MC3R: variants seen among roughly 807,000 people sequenced by gnomAD.
The protein encoded by MC3R is melanocortin 3 receptor, also known as melanocortin receptor 3.
A neutral mutation model predicts 14.0 loss-of-function variants in MC3R; 12 were observed. That is an observed-to-expected ratio of 0.86 (90% CI 0.55 to 1.39). The LOEUF is 1.39. MC3R is among the 40% of genes most tolerant of loss of function. The probability of loss-of-function intolerance (pLI) is 0.00; values close to 1 mark genes in which losing one functional copy is unlikely to be tolerated. For missense variants in MC3R, 432 were observed against 433.6 expected, an observed-to-expected ratio of 1.00 and a Z score of 0.03; for synonymous variants, 174 against 180.5, an observed-to-expected ratio of 0.96 and a Z score of 0.29.
Position 56,249,599 on chromosome 20 carries a change from CT to C in MC3R, c.758del (p.Phe253SerfsTer68). The C allele has an allele frequency of 6.2e-7, 1 of 1,612,958 alleles. No individual in the cohort carries two copies. The highest frequency in any genetic ancestry group is 8.5e-7 in the Non-Finnish European group (1 of 1,178,950). On this transcript the variant is annotated frameshift_variant, in exon 1 of 1. Transcript: ENST00000243911. LOFTEE classifies it high-confidence loss of function. ...TCACCATTCTCCTGGGCGTGTTCAT[CT>C]TCTGCTGGGCCCCCTTCTTCCTCCA... ...TITILLGVFI[F>X]CWAPFFLHLV...
In MC3R at chr20:56,249,274, T is replaced by C. The variant is rs755351383; in HGVS notation, c.431T>C (p.Val144Ala). The C allele has an allele frequency of 6.2e-7, 1 of 1,614,172 alleles. No individual in the cohort carries two copies. Among genetic ancestry groups the C allele is most frequent in the Non-Finnish European group, 8.5e-7 (1 of 1,180,016 alleles). The part of the protein sequence containing the change: ...NLLAIAVDRY[V>A]TIFYALRYHS... Reference sequence around the variant, plus strand: ...CTGGCCATCGCCGTCGACAGGTACGTCACCATCTTTTACGCGCTCCGCTAC... The same window carrying C: ...CTGGCCATCGCCGTCGACAGGTACGCCACCATCTTTTACGCGCTCCGCTAC... The change falls in exon 1 of 1, where the codon GTC (valine) becomes GCC (alanine). Residue 144 changes from valine (V) to alanine (A), a missense_variant. By Grantham distance (64) the Val-to-Ala change is moderately conservative (BLOSUM62 0). Coordinates refer to ENST00000243911, the MANE Select transcript of MC3R (RefSeq NM_019888.3).
chr20:56,249,406 T>C lies in MC3R; in HGVS notation c.563T>C (p.Val188Ala), dbSNP rs1405338611. 3 of 1,613,866 alleles carry C rather than the reference T, an allele frequency of 1.9e-6. No homozygotes were observed. Among genetic ancestry groups the C allele is most frequent in the Non-Finnish European group, 2.5e-6 (3 of 1,180,004 alleles). Residue 188 changes from valine to alanine, a missense_variant, in exon 1 of 1, where the codon GTC (valine) becomes GCC (alanine). Coordinates refer to ENST00000243911, the MANE Select transcript of MC3R (RefSeq NM_019888.3). ...VFIVYSESKM[V>A]IVCLITMFFA... Reference sequence around the variant, plus strand: ...ATCGTCTACTCGGAGAGCAAAATGGTCATTGTGTGCCTCATCACCATGTTC... The same window carrying C: ...ATCGTCTACTCGGAGAGCAAAATGGCCATTGTGTGCCTCATCACCATGTTC...
rs1229320446 is a variant in MC3R, at chr20:56,248,984, T to C, written c.141T>C (p.Ser47=). Residue 47 remains serine (S), a synonymous_variant, in exon 1 of 1, where the codon TCT becomes TCC. Transcript: ENST00000243911. ...TCATCAAGCCCGAGGTTTTCCTGTCTCTGGGCATCGTCAGTCTGCTGGAAA... is the reference window on the plus strand; with the variant it reads ...TCATCAAGCCCGAGGTTTTCCTGTCCCTGGGCATCGTCAGTCTGCTGGAAA... ...QVFIKPEVFL[S]LGIVSLLENI... The C allele has an allele frequency of 6.2e-7, 1 of 1,614,068 alleles. No homozygotes were observed. The highest frequency in any genetic ancestry group is 8.5e-7 in the Non-Finnish European group (1 of 1,180,034).
Position 56,248,867 on chromosome 20 carries a change from C to T in MC3R, c.24C>T (p.Pro8=), listed in dbSNP as rs770349289. 18 of 1,614,182 alleles carry T rather than the reference C, an allele frequency of 1.1e-5. No individual in the cohort carries two copies. The highest frequency in any genetic ancestry group is 1.4e-5 in the Non-Finnish European group (17 of 1,180,028). The part of the protein sequence containing the change: MNASCCL[P]SVQPTLPNGS... ...CAATGAATGCTTCGTGCTGCCTGCC[C>T]TCTGTTCAGCCAACACTGCCTAATG... The change falls in exon 1 of 1, where the codon CCC becomes CCT. Residue 8 remains proline, a synonymous_variant. Transcript: ENST00000243911.
Position 56,249,123 on chromosome 20 carries a change from G to A in MC3R, c.280G>A (p.Glu94Lys), listed in dbSNP as rs1371748742. The part of the protein sequence containing the change: ...DMLVSVSNAL[E>K]TIMIAIVHSD... The stretch of plus-strand genomic sequence containing the variant: ...GCTGGTAAGTGTGTCCAATGCCCTG[G>A]AGACCATCATGATCGCCATCGTCCA... Residue 94 changes from glutamate to lysine, a missense_variant, in exon 1 of 1, where the codon GAG (glutamate) becomes AAG (lysine). Transcript: ENST00000243911. 2 of 1,614,050 alleles carry A rather than the reference G, an allele frequency of 1.2e-6. No homozygotes were observed. The highest frequency in any genetic ancestry group is 2.7e-5 in the African/African-American group (2 of 74,910).
chr20:56,249,383 CG>C lies in MC3R; in HGVS notation c.541del (p.Val181SerfsTer19). 1 of 1,614,116 alleles carries C rather than the reference CG, an allele frequency of 6.2e-7. No homozygotes were observed. Among genetic ancestry groups the C allele is most frequent in the East Asian group, 2.2e-5 (1 of 44,866 alleles). The stretch of plus-strand genomic sequence containing the variant: ...GCGGCGTCTGTGGCGTGGTGTTCAT[CG>C]TCTACTCGGAGAGCAAAATGGTCAT... Reference protein sequence around the residue: ...CCGVCGVVFIVYSESKMVIVC... With the variant: ...CCGVCGVVFIXYSESKMVIVC... On this transcript the variant is annotated frameshift_variant, in exon 1 of 1. Transcript: ENST00000243911. LOFTEE classifies it high-confidence loss of function.
In MC3R at chr20:56,249,287, C is replaced by T. The variant is rs147084433; in HGVS notation, c.444C>T (p.Tyr148=). Residue 148 remains tyrosine, a synonymous_variant, in exon 1 of 1, where the codon TAC becomes TAT. Coordinates refer to ENST00000243911, the MANE Select transcript of MC3R (RefSeq NM_019888.3). Reference sequence around the variant, plus strand: ...TCGACAGGTACGTCACCATCTTTTACGCGCTCCGCTACCACAGCATCATGA... The same window carrying T: ...TCGACAGGTACGTCACCATCTTTTATGCGCTCCGCTACCACAGCATCATGA... The part of the protein sequence containing the change: ...IAVDRYVTIF[Y]ALRYHSIMTV... 5.7e-5 allele frequency: 92 copies of T among 1,614,048 alleles called. No homozygotes were observed. In the African/African-American group the frequency reaches 1.1e-3, roughly 19 times the overall value.
At position 56,249,260 on chromosome 20, in the gene MC3R, C is replaced by T; in HGVS notation, c.417C>T (p.Ala139=). Residue 139 remains alanine (A), a synonymous_variant, in exon 1 of 1, where the codon GCC becomes GCT. Transcript: ENST00000243911. ...VASICNLLAI[A]VDRYVTIFYA... ...CCATCTGCAACCTCCTGGCCATCGC[C>T]GTCGACAGGTACGTCACCATCTTTT... 1 of 1,614,162 alleles carries T rather than the reference C, an allele frequency of 6.2e-7. No individual in the cohort carries two copies. Among genetic ancestry groups the T allele is most frequent in the South Asian group, 1.1e-5 (1 of 91,080 alleles).
chr20:56,249,386 C>G lies in MC3R; in HGVS notation c.543C>G (p.Val181=). 6.2e-7 allele frequency: 1 copy of G among 1,614,196 alleles called. No individual in the cohort carries two copies. Among genetic ancestry groups the G allele is most frequent in the Non-Finnish European group, 8.5e-7 (1 of 1,180,056 alleles). The change falls in exon 1 of 1, where the codon GTC becomes GTG. Residue 181 remains valine (V), a synonymous_variant. Transcript: ENST00000243911. ...GCGTCTGTGGCGTGGTGTTCATCGT[C>G]TACTCGGAGAGCAAAATGGTCATTG... ...CCGVCGVVFI[V]YSESKMVIVC...
In MC3R at chr20:56,249,561, G is replaced by T. The variant is rs776955610; in HGVS notation, c.718G>T (p.Gly240Trp). 3.7e-6 allele frequency: 6 copies of T among 1,613,518 alleles called. No individual in the cohort carries two copies. Among genetic ancestry groups the T allele is most frequent in the Middle Eastern group, 1.7e-4 (1 of 6,060 alleles). ...VAPQQHSCMKGAVTITILLGV... is the reference protein window; with the variant it reads ...VAPQQHSCMKWAVTITILLGV... ...CCCACAGCAACACTCATGCATGAAG[G>T]GGGCAGTCACCATCACCATTCTCCT... Residue 240 changes from glycine (G) to tryptophan (W), a missense_variant, in exon 1 of 1, where the codon GGG becomes TGG. Transcript: ENST00000243911.
rs766548340 is a variant in MC3R, at chr20:56,248,817, C to T, written c.-27C>T. 12 of 1,614,076 alleles carry T rather than the reference C, an allele frequency of 7.4e-6. No individual in the cohort carries two copies. The South Asian group carries it at 1.3e-4, about 18-fold the overall frequency. Reference sequence around the variant, plus strand: ...CTTCCTACGGACCCTGCTGGAGCCCCAGCTCGGATCAGCCCTTCTGACAGC... The same window carrying T: ...CTTCCTACGGACCCTGCTGGAGCCCTAGCTCGGATCAGCCCTTCTGACAGC... On this transcript the variant is annotated 5_prime_UTR_variant, in exon 1 of 1. It introduces an in-frame stop codon into an upstream open reading frame of the 5' UTR. Transcript: ENST00000243911.
In MC3R at chr20:56,249,138, G is replaced by T. The variant is rs757683383; in HGVS notation, c.295G>T (p.Ala99Ser). The T allele has an allele frequency of 1.9e-6, 3 of 1,613,884 alleles. No homozygotes were observed. The highest frequency in any genetic ancestry group is 2.7e-5 in the African/African-American group (2 of 74,860). ...VSNALETIMI[A>S]IVHSDYLTFE... Reference sequence around the variant, plus strand: ...CAATGCCCTGGAGACCATCATGATCGCCATCGTCCACAGCGACTACCTGAC... The same window carrying T: ...CAATGCCCTGGAGACCATCATGATCTCCATCGTCCACAGCGACTACCTGAC... Residue 99 changes from alanine to serine, a missense_variant, in exon 1 of 1, where the codon GCC becomes TCC. Coordinates refer to ENST00000243911, the MANE Select transcript of MC3R (RefSeq NM_019888.3).
At position 56,249,257 on chromosome 20, in the gene MC3R, C is replaced by G. The variant is rs1421808595; in HGVS notation, c.414C>G (p.Ile138Met). The change falls in exon 1 of 1, where the codon ATC becomes ATG. Residue 138 changes from isoleucine (I) to methionine (M), a missense_variant. Coordinates refer to ENST00000243911, the MANE Select transcript of MC3R (RefSeq NM_019888.3). The stretch of plus-strand genomic sequence containing the variant: ...CCTCCATCTGCAACCTCCTGGCCAT[C>G]GCCGTCGACAGGTACGTCACCATCT... Reference protein sequence around the residue: ...LVASICNLLAIAVDRYVTIFY... With the variant: ...LVASICNLLAMAVDRYVTIFY... 2 of 1,614,162 alleles carry G rather than the reference C, an allele frequency of 1.2e-6. No individual in the cohort carries two copies. The highest frequency in any genetic ancestry group is 3.3e-5 in the Admixed American group (2 of 60,028).
Position 56,249,797 on chromosome 20 carries a change from C to G in MC3R, c.954C>G (p.Asn318Lys). Residue 318 changes from asparagine to lysine, a missense_variant, in exon 1 of 1, where the codon AAC becomes AAG. Transcript: ENST00000243911. Reference protein sequence around the residue: ...NTFREILCGCNGMNLG With the variant: ...NTFREILCGCKGMNLG ...TTAGGGAGATTCTCTGTGGCTGCAA[C>G]GGCATGAACTTGGGATAGGATGCAG... 1.2e-6 allele frequency: 2 copies of G among 1,614,046 alleles called. No homozygotes were observed. Among genetic ancestry groups the G allele is most frequent in the Non-Finnish European group, 1.7e-6 (2 of 1,180,036 alleles).
chr20:56,249,201 T>G lies in MC3R; in HGVS notation c.358T>G (p.Phe120Val). ...GTTTATCCAGCACATGGACAACATC[T>G]TCGACTCCATGATCTGCATCTCCCT... The part of the protein sequence containing the change: ...DQFIQHMDNI[F>V]DSMICISLVA... Residue 120 changes from phenylalanine (F) to valine (V), a missense_variant, in exon 1 of 1, where the codon TTC (phenylalanine) becomes GTC (valine). By Grantham distance (50) the Phe-to-Val change is conservative. Transcript: ENST00000243911. 2 of 1,614,160 alleles carry G rather than the reference T, an allele frequency of 1.2e-6. No homozygotes were observed. The highest frequency in any genetic ancestry group is 2.2e-5 in the South Asian group (2 of 91,080).
Position 56,248,895 on chromosome 20 carries a change from T to C in MC3R, c.52T>C (p.Ser18Pro), listed in dbSNP as rs1474705022. 6.2e-7 allele frequency: 1 copy of C among 1,614,172 alleles called. No homozygotes were observed. The highest frequency in any genetic ancestry group is 1.7e-5 in the Admixed American group (1 of 60,024). The change falls in exon 1 of 1, where the codon TCG becomes CCG. Residue 18 changes from serine to proline, a missense_variant. Physicochemically the swap from Ser to Pro is moderately conservative, Grantham distance 74. Coordinates refer to ENST00000243911, the MANE Select transcript of MC3R (RefSeq NM_019888.3). ...TGTTCAGCCAACACTGCCTAATGGC[T>C]CGGAGCACCTCCAAGCCCCTTTCTT... The part of the protein sequence containing the change: ...PSVQPTLPNG[S>P]EHLQAPFFSN...
rs1387446244 is a variant in MC3R at position 56,249,079 on chromosome 20, G to A, written c.236G>A (p.Ser79Asn). ...TCCCCGATGTACTTCTTTCTCTGCA[G>A]CCTGGCGGTGGCCGACATGCTGGTA... is the stretch of plus-strand genomic sequence containing the variant. Reference protein sequence around the residue: ...LHSPMYFFLCSLAVADMLVSV... With the variant: ...LHSPMYFFLCNLAVADMLVSV... Residue 79 changes from serine (S) to asparagine (N), a missense_variant, in exon 1 of 1, where the codon AGC becomes AAC. Ser to Asn is a conservative substitution (Grantham distance 46). Transcript: ENST00000243911. 6.2e-7 allele frequency: 1 copy of A among 1,614,206 alleles called. No individual in the cohort carries two copies. Among genetic ancestry groups the A allele is most frequent in the Non-Finnish European group, 8.5e-7 (1 of 1,180,050 alleles).
chr20:56,248,823 G>C lies in MC3R; in HGVS notation c.-21G>C, dbSNP rs141315125. 3 of 1,614,156 alleles carry C rather than the reference G, an allele frequency of 1.9e-6. No individual in the cohort carries two copies. The highest frequency in any genetic ancestry group is 1.1e-5 in the South Asian group (1 of 91,072). On this transcript the variant is annotated 5_prime_UTR_variant, in exon 1 of 1. Coordinates refer to ENST00000243911, the MANE Select transcript of MC3R (RefSeq NM_019888.3). The stretch of plus-strand genomic sequence containing the variant: ...ACGGACCCTGCTGGAGCCCCAGCTC[G>C]GATCAGCCCTTCTGACAGCAATGAA...
Position 56,248,773 on chromosome 20 carries a change from T to C in MC3R, c.-71T>C. ...ACGTATCTGGAGGGAGATTTTGTCTTTCCTGTGAGCAGCAGCAGCTTCCTA... is the reference window on the plus strand; with the variant it reads ...ACGTATCTGGAGGGAGATTTTGTCTCTCCTGTGAGCAGCAGCAGCTTCCTA... On this transcript the variant is annotated 5_prime_UTR_variant, in exon 1 of 1. Transcript: ENST00000243911. 1 of 1,596,850 alleles carries C rather than the reference T, an allele frequency of 6.3e-7. No homozygotes were observed. The highest frequency in any genetic ancestry group is 8.6e-7 in the Non-Finnish European group (1 of 1,164,272).
Sources: gnomAD v4.1 joint callset for allele counts on GRCh38, gnomAD v4.1.1 for gene constraint, MANE v1.5 for transcripts, NCBI Gene and HGNC (gene_info 2026-07-23, HGNC 2026-07-21) for gene names.